The following CCDC102B variants were observed in gnomAD, a reference collection of about 807,000 sequenced individuals.
CCDC102B encodes coiled-coil domain-containing protein 102B.
Under a neutral mutation model 57.4 loss-of-function variants are expected in CCDC102B, and 75 were observed. The ratio of observed to expected loss-of-function variants is 1.31; its 90% CI spans 1.08 to 1.58. The LOEUF (loss-of-function observed/expected upper bound fraction) is 1.58, where lower values mean the gene tolerates loss of function less well. Among genes scored for constraint, CCDC102B ranks in the 40% most tolerant of loss-of-function variants. The pLI, the probability that CCDC102B is intolerant of heterozygous loss-of-function variation, is 0.00. For missense variants in CCDC102B, 636 were observed against 582.6 expected (o/e 1.09, Z -0.94); for synonymous variants, 206 against 201.9 (o/e 1.02, Z -0.17).
chr18:68,725,580 T>C (rs6566381), intron 2 of CCDC102B, among the ~76,000 whole-genome samples: 3,396 of 152,298 alleles, frequency 0.022, 119 homozygotes, highest in African/African-American at 0.077. Flanking sequence ...TCCTGACTCA[T>C]GGCCCACTTC....
chr18:69,018,044 T>C (rs1343438969), intron 7 of CCDC102B, among the ~76,000 whole-genome samples: 1 of 152,196 alleles, frequency 6.6e-6, no homozygotes, highest in Non-Finnish European at 1.5e-5. Flanking sequence ...TTTCTGTGTG[T>C]GTATGTGTAT....
rs559561343 is a variant in CCDC102B at position 69,001,954 on chromosome 18, G to A, written c.1264-8980G>A. On this transcript the variant is annotated intron_variant, in intron 6 of 7. Coordinates refer to ENST00000360242, the MANE Select transcript of CCDC102B (RefSeq NM_024781.3). ...GCCCCCTTGCACTTCATTATTAAAG[G>A]CTCCATTCTCAGGCCCAAGACCTAA... Among the ~76,000 whole-genome samples, 5 of 152,156 alleles carry A rather than the reference G, an allele frequency of 3.3e-5. No homozygotes were observed. In the South Asian group the frequency reaches 6.2e-4, roughly 19 times the overall value.
Position 69,054,236 on chromosome 18 carries a change from T to A in CCDC102B, c.*99T>A, listed in dbSNP as rs2052776880. The A allele has an allele frequency of 1.4e-6, 2 of 1,385,480 alleles. No individual in the cohort carries two copies. Among genetic ancestry groups the A allele is most frequent in the Middle Eastern group, 2.5e-4 (1 of 4,034 alleles). 85.8% of individuals were successfully genotyped at this position (1,385,480 alleles called of 1,614,324 possible). ...TAAAATTGTTTTTATTAACTAGAAA[T>A]ATTAATGAAAAAAACGTAGACAATA... On this transcript the variant is annotated 3_prime_UTR_variant, in exon 8 of 8. Coordinates refer to ENST00000360242, the MANE Select transcript of CCDC102B (RefSeq NM_024781.3).
intron 2 of CCDC102B, among the ~76,000 whole-genome samples, chr18:68,766,787 C>T (rs2034482765): frequency 6.6e-6 from 1 of 151,856 alleles, no homozygotes; most frequent in Admixed American, 6.6e-5. Flanking sequence ...TTGAAACTGA[C>T]ATATTAGATA....
At chr18:68,985,737 G>T (rs1304017629) in intron 6 of CCDC102B, among the ~76,000 whole-genome samples, 1 of 152,098 alleles carries the variant, frequency 6.6e-6, no homozygotes, top group African/African-American at 2.4e-5. Context: ...AATGCTCTGG[G>T]TTCTCTCCAA....
intron 1 of CCDC102B, among the ~76,000 whole-genome samples, chr18:68,801,316 C>A (rs1041621549): frequency 6.6e-6 from 1 of 152,008 alleles, no homozygotes; most frequent in Non-Finnish European, 1.5e-5. Context: ...GAGCTTGAGA[C>A]CTTGATTGTA....
In CCDC102B at chr18:68,857,310, AT is replaced by A. The variant is rs1568293090; in HGVS notation, c.936+10892del. On this transcript the variant is annotated intron_variant, in intron 4 of 7. Coordinates refer to ENST00000360242, the MANE Select transcript of CCDC102B (RefSeq NM_024781.3). ...TTTATATATTATATATATAATATAT[AT>A]TTATATATTATATATATAAAATATA... Among the ~76,000 whole-genome samples the A allele has an allele frequency of 2.3e-3, 11 of 4,792 alleles. 3 individuals are homozygous for A. The highest frequency in any genetic ancestry group is 4.4e-3 in the African/African-American group (11 of 2,488). The allele number at this position is 4,792 out of a possible 152,430, so 3.1% of individuals were successfully genotyped here. A position where few individuals can be genotyped will look rare whatever the true frequency, so the allele number is the denominator to read the frequency against.
At chr18:68,896,186 G>A (rs2040235639) in intron 5 of CCDC102B, among the ~76,000 whole-genome samples, 1 of 151,894 alleles carries the variant, frequency 6.6e-6, no homozygotes, top group Non-Finnish European at 1.5e-5. Context: ...TACTTACAAT[G>A]TCCACAGAAA....
At chr18:68,900,868 C>T (rs2040426620) in intron 6 of CCDC102B, among the ~76,000 whole-genome samples, 1 of 152,090 alleles carries the variant, frequency 6.6e-6, no homozygotes, top group Admixed American at 6.6e-5. Flanking sequence ...TACAACTAGG[C>T]ACCCAATAAT....
intron 1 of CCDC102B, among the ~76,000 whole-genome samples, chr18:68,812,345 C>A (rs1280227688): frequency 6.6e-6 from 1 of 152,060 alleles, no homozygotes; most frequent in African/African-American, 2.4e-5. Flanking sequence ...AAACTTAATT[C>A]TCAACTAAAG....
intron 6 of CCDC102B, among the ~76,000 whole-genome samples, chr18:68,990,906 A>T (rs2050847910): frequency 6.6e-6 from 1 of 152,122 alleles, no homozygotes; most frequent in Non-Finnish European, 1.5e-5. Flanking sequence ...ATTCACATGA[A>T]TGTGTGAGAA....
At chr18:68,829,538 A>T (rs1342339069) in intron 1 of CCDC102B, among the ~76,000 whole-genome samples, 1 of 152,070 alleles carries the variant, frequency 6.6e-6, no homozygotes, top group Non-Finnish European at 1.5e-5. Context: ...ACAATCTTTG[A>T]TCTTCACTCT....
chr18:68,721,065 C>G (rs528545473), intron 2 of CCDC102B: 1 of 152,296 alleles, frequency 6.6e-6, no homozygotes, highest in Non-Finnish European at 1.5e-5. Flanking sequence ...CAGACAGACA[C>G]CTTTAAATAA....
intron 2 of CCDC102B, among the ~76,000 whole-genome samples, chr18:68,722,884 TTTTC>T (rs2032413476): frequency 1.3e-5 from 2 of 151,966 alleles, no homozygotes; most frequent in African/African-American, 4.8e-5. Context: ...TTTTATTTTT[TTTTC>T]TTTTTGCAAC....
intron 6 of CCDC102B, among the ~76,000 whole-genome samples, chr18:69,006,476 G>A (rs2145376171): frequency 6.6e-6 from 1 of 151,742 alleles, no homozygotes; most frequent in African/African-American, 2.4e-5. Flanking sequence ...TTGCTGGAGG[G>A]CAGTGGCAGG....
intron 6 of CCDC102B, among the ~76,000 whole-genome samples, chr18:68,953,625 TA>T (rs2049763845): frequency 6.6e-6 from 1 of 152,128 alleles, no homozygotes; most frequent in Admixed American, 6.6e-5. Flanking sequence ...AAAGTGTCCA[TA>T]ATGCAAGATA....
intron 7 of CCDC102B, among the ~76,000 whole-genome samples, chr18:69,043,220 A>T (rs747765786): frequency 1.2e-4 from 19 of 152,156 alleles, no homozygotes; most frequent in Non-Finnish European, 1.5e-5. Context: ...TGCTGCCCAC[A>T]TGTCCCACCT....
chr18:68,874,709 A>T lies in CCDC102B; in HGVS notation c.977A>T (p.Glu326Val). 6.2e-7 allele frequency: 1 copy of T among 1,612,182 alleles called. No homozygotes were observed. Among genetic ancestry groups the T allele is most frequent in the East Asian group, 2.2e-5 (1 of 44,792 alleles). The change falls in exon 5 of 8, where the codon GAA becomes GTA. Residue 326 changes from glutamate (E) to valine (V), a missense_variant. By Grantham distance (121) the Glu-to-Val change is moderately radical. Coordinates refer to ENST00000360242, the MANE Select transcript of CCDC102B (RefSeq NM_024781.3). ...LLGQHNDEMQ[E>V]LSGNIKEESK... Reference sequence around the variant, plus strand: ...GGTCAACATAATGATGAAATGCAAGAACTGTCAGGCAATATAAAGGAAGAA... The same window carrying T: ...GGTCAACATAATGATGAAATGCAAGTACTGTCAGGCAATATAAAGGAAGAA...
At chr18:68,866,889 T>C in intron 4 of CCDC102B, 2 of 641,572 alleles carry the variant, frequency 3.1e-6, no homozygotes, top group Non-Finnish European at 3.0e-6. Context: ...CTCTTCCCTC[T>C]CATGTATCAC....
Sources: gnomAD v4.1 joint callset for allele counts (sites outside exome capture counted in the v4.1 genomes callset) on GRCh38, gnomAD v4.1.1 for gene constraint, MANE v1.5 for transcripts, NCBI Gene and HGNC (gene_info 2026-07-23, HGNC 2026-07-21) for gene names.